GSDMA: variants seen among roughly 807,000 people sequenced by gnomAD.
The protein encoded by GSDMA is gasdermin A, also known as gasdermin-A.
GSDMA carries 55 observed loss-of-function variants against 54.3 expected under a neutral mutation model. The observed-to-expected ratio is 1.01, with a 90% CI of 0.82 to 1.27. The LOEUF (loss-of-function observed/expected upper bound fraction) is 1.27. Ranked by LOEUF, GSDMA falls within the 50% of genes most tolerant of loss-of-function variation. The pLI, the probability that GSDMA is intolerant of heterozygous loss-of-function variation, is 0.00. For missense variants in GSDMA, 542 were observed against 542.6 expected, an observed-to-expected ratio of 1.00 and a Z score of 0.01; for synonymous variants, 211 against 224.7, an observed-to-expected ratio of 0.94 and a Z score of 0.54.
intron 1 of GSDMA, among the ~76,000 whole-genome samples, chr17:39,964,797 C>T (rs1979561289): frequency 6.6e-6 from 1 of 152,036 alleles, no homozygotes; most frequent in African/African-American, 2.4e-5. Context: ...TATTGCTAGT[C>T]TCTGGTGTGA....
At position 39,972,571 on chromosome 17, in the gene GSDMA, T is replaced by A. The variant is rs1228738675; in HGVS notation, c.704-16T>A. The A allele has an allele frequency of 2.5e-6, 4 of 1,612,072 alleles. No individual in the cohort carries two copies. The highest frequency in any genetic ancestry group is 3.4e-6 in the Non-Finnish European group (4 of 1,178,936). On this transcript the variant is annotated splice_polypyrimidine_tract_variant and intron_variant, in intron 6 of 11. Transcript: ENST00000301659. ...TGGGTTTTGTGCTGACAGATGTGCA[T>A]TTTTTCTGTCTTCAGAAAAGTCAGG...
chr17:39,964,351 T>C (rs2001476), intron 1 of GSDMA, among the ~76,000 whole-genome samples: 105,613 of 151,944 alleles, frequency 0.7, 37,319 homozygotes, highest in African/African-American at 0.81. Context: ...GGCGGATCAT[T>C]TGAGGTCAGG....
intron 7 of GSDMA, 113 bp downstream of exon 7, chr17:39,972,726 C>T (rs1980009435): frequency 3.2e-6 from 3 of 941,684 alleles, no homozygotes; most frequent in African/African-American, 3.3e-5. Context: ...CGAATCTCAG[C>T]AAATAATTGT....
chr17:39,976,898 G>C lies in GSDMA; in HGVS notation c.1178G>C (p.Gly393Ala). The stretch of plus-strand genomic sequence containing the variant: ...CAACCTGAGCTGCTCTCCTCCCTTG[G>C]GGACGAGGAGCTGACCCTCACGGAG... ...PLQPELLSSLGDEELTLTEAL... is the reference protein window; with the variant it reads ...PLQPELLSSLADEELTLTEAL... The change falls in exon 12 of 12, where the codon GGG becomes GCG. Residue 393 changes from glycine (G) to alanine (A), a missense_variant. Physicochemically the swap from Gly to Ala is moderately conservative, Grantham distance 60. Transcript: ENST00000301659. 6.2e-7 allele frequency: 1 copy of C among 1,613,968 alleles called. No homozygotes were observed. Among genetic ancestry groups the C allele is most frequent in the Non-Finnish European group, 8.5e-7 (1 of 1,179,896 alleles).
chr17:39,971,872 C>A (rs1299455326), intron 5 of GSDMA, among the ~76,000 whole-genome samples: 1 of 152,168 alleles, frequency 6.6e-6, no homozygotes, highest in Admixed American at 6.5e-5. Context: ...ACTGCCTCTG[C>A]TCTCAAGAAG....
In GSDMA at chr17:39,974,285, A is replaced by G. The variant is rs1980098020; in HGVS notation, c.764A>G (p.Glu255Gly). The G allele has an allele frequency of 1.2e-6, 2 of 1,610,548 alleles. No homozygotes were observed. The highest frequency in any genetic ancestry group is 1.3e-5 in the African/African-American group (1 of 74,766). The part of the protein sequence containing the change: ...IQASDVGDVH[E>G]GFRTLKEEVQ... ...ATTGTCCCCATAGGGGACGTACACG[A>G]AGGCTTCAGGACACTAAAAGAAGAA... The change falls in exon 9 of 12, where the codon GAA becomes GGA. Residue 255 changes from glutamate to glycine, a missense_variant. Coordinates refer to ENST00000301659, the MANE Select transcript of GSDMA (RefSeq NM_178171.5).
intron 5 of GSDMA, among the ~76,000 whole-genome samples, chr17:39,971,843 G>A (rs1032114893): frequency 6.6e-6 from 1 of 152,086 alleles, no homozygotes; most frequent in Non-Finnish European, 1.5e-5. Flanking sequence ...TGGGGGAGGG[G>A]GTACAAATAT....
At chr17:39,968,266 C>G in intron 3 of GSDMA, among the ~76,000 whole-genome samples, 1 of 150,818 alleles carries the variant, frequency 6.6e-6, no homozygotes, top group Non-Finnish European at 1.5e-5. Context: ...TCTTGTACTC[C>G]TGACCTGAGG....
At chr17:39,965,076 C>T (rs1423269568) in intron 1 of GSDMA, among the ~76,000 whole-genome samples, 1 of 151,546 alleles carries the variant, frequency 6.6e-6, no homozygotes, top group Non-Finnish European at 1.5e-5. Flanking sequence ...GCTGTGATCA[C>T]GCCACTGCAC....
At chr17:39,969,181 C>T (rs1979813102) in intron 3 of GSDMA, among the ~76,000 whole-genome samples, 1 of 151,678 alleles carries the variant, frequency 6.6e-6, no homozygotes, top group African/African-American at 2.4e-5. Flanking sequence ...GTGAAACCCC[C>T]ATCTCCACAA....
chr17:39,975,401 A>G (rs1010025788), intron 10 of GSDMA, among the ~76,000 whole-genome samples: 1 of 151,600 alleles, frequency 6.6e-6, no homozygotes, highest in Non-Finnish European at 1.5e-5. Context: ...GTGAGCCGAG[A>G]TCACTCCATT....
rs148791798 is a variant in GSDMA at position 39,966,056 on chromosome 17, G to A, written c.214+155G>A. ...TCAGGAGCTGAGGAGGCTGGTGGTC[G>A]GGGGGATACCTCTCAGCTCAGCCTC... On this transcript the variant is annotated intron_variant, in intron 2 of 11. Transcript: ENST00000301659. Among the ~76,000 whole-genome samples the A allele has an allele frequency of 2.9e-3, 444 of 152,256 alleles. 3 individuals are homozygous for A. The Middle Eastern group carries it at 0.061, about 21-fold the overall frequency.
At position 39,966,348 on chromosome 17, in the gene GSDMA, G is replaced by A. The variant is rs1264779724; in HGVS notation, c.303G>A (p.Val101=). 6.2e-7 allele frequency: 1 copy of A among 1,613,994 alleles called. No individual in the cohort carries two copies. The highest frequency in any genetic ancestry group is 1.3e-5 in the African/African-American group (1 of 75,058). ...GDVDVPKTVK[V]KGTAGLSQNS... Reference sequence around the variant, plus strand: ...TGGATGTACCAAAGACGGTGAAGGTGAAGGGAACGGCAGGGCTCTCGCAGA... The same window carrying A: ...TGGATGTACCAAAGACGGTGAAGGTAAAGGGAACGGCAGGGCTCTCGCAGA... Residue 101 remains valine (V), a synonymous_variant, in exon 3 of 12, where the codon GTG becomes GTA. Transcript: ENST00000301659.
chr17:39,972,438 T>C, intron 6 of GSDMA, 149 bp from the exon 7 acceptor site: 1 of 755,832 alleles, frequency 1.3e-6, no homozygotes, highest in Non-Finnish European at 2.3e-6. Context: ...GGAGACTGAG[T>C]GTGTTCCCGA....
intron 3 of GSDMA, among the ~76,000 whole-genome samples, chr17:39,967,471 C>T (rs907629179): frequency 2.0e-5 from 3 of 152,054 alleles, no homozygotes; most frequent in Non-Finnish European, 4.4e-5. Flanking sequence ...GGAAGAGGTG[C>T]GAGTAGAACG....
In GSDMA at chr17:39,977,070, C is replaced by T. The variant is rs376123814; in HGVS notation, c.*12C>T. ...CCAAGGCCTCCTAATTTGCCTTTTA[C>T]GTCTGCTTCATGACTCCCTAATGCC... On this transcript the variant is annotated 3_prime_UTR_variant, in exon 12 of 12. Coordinates refer to ENST00000301659, the MANE Select transcript of GSDMA (RefSeq NM_178171.5). 30 of 1,613,480 alleles carry T rather than the reference C, an allele frequency of 1.9e-5. No individual in the cohort carries two copies. The African/African-American group carries it at 2.0e-4, about 11-fold the overall frequency.
At chr17:39,966,055 CG>C (rs1331847215) in intron 2 of GSDMA, among the ~76,000 whole-genome samples, 154 bp downstream of exon 2, 3 of 152,208 alleles carry the variant, frequency 2.0e-5, no homozygotes, top group African/African-American at 4.8e-5. Flanking sequence ...GGCTGGTGGT[CG>C]GGGGGATACC....
intron 3 of GSDMA, among the ~76,000 whole-genome samples, chr17:39,966,872 G>A (rs755041652): frequency 6.6e-6 from 1 of 152,206 alleles, no homozygotes; most frequent in Admixed American, 6.5e-5. Context: ...CCTGAGCACT[G>A]TGTTCTGCTC....
At chr17:39,974,059 C>G (rs1395127687) in intron 8 of GSDMA, among the ~76,000 whole-genome samples, 2 of 152,168 alleles carry the variant, frequency 1.3e-5, no homozygotes, top group Non-Finnish European at 2.9e-5. Flanking sequence ...ATACATGCAT[C>G]CTGGCCCACC....
Sources: allele counts gnomAD v4.1 joint callset (sites outside exome capture counted in the v4.1 genomes callset), GRCh38; gene constraint gnomAD v4.1.1; transcripts MANE v1.5; gene names NCBI Gene and HGNC (gene_info 2026-07-23, HGNC 2026-07-21).